Variants in LCP1 observed in about 807,000 individuals in gnomAD.
LCP1 encodes the protein lymphocyte cytosolic protein 1, also known as plastin-2.
Under a neutral mutation model 72.0 loss-of-function variants are expected in LCP1, and 23 were observed. The observed-to-expected ratio is 0.32, with a 90% CI of 0.23 to 0.45. The LOEUF (loss-of-function observed/expected upper bound fraction) is 0.45. Among genes scored for constraint, LCP1 ranks in the 20% least tolerant of loss-of-function variants. The probability of loss-of-function intolerance (pLI) is 1.00; values close to 1 mark genes in which losing one functional copy is unlikely to be tolerated. For missense variants in LCP1, 571 were observed against 748.3 expected (o/e 0.76, Z 2.76); for synonymous variants, 245 against 275.4 (o/e 0.89, Z 1.09).
intron 14 of LCP1, among the ~76,000 whole-genome samples, chr13:46,131,204 C>T (rs1037989431): frequency 5.3e-5 from 8 of 152,012 alleles, no homozygotes; most frequent in Admixed American, 2.0e-4. Flanking sequence ...TAGAGAAAGA[C>T]GTAAAGTTAA....
Position 46,133,897 on chromosome 13 carries a change from AT to A in LCP1, c.1626+229del, listed in dbSNP as rs35599991. On this transcript the variant is annotated intron_variant, in intron 14 of 15. Transcript: ENST00000323076. ...CCCTAAATCCAAAATAAAAGTTGAA[AT>A]TTTTTTTACTGATGGGTTTTTATGA... Among the ~76,000 whole-genome samples, 72 of 151,922 alleles carry A rather than the reference AT, an allele frequency of 4.7e-4. 1 individual carries two copies. The highest frequency in any genetic ancestry group is 3.9e-3 in the Admixed American group (60 of 15,248).
At chr13:46,129,722 T>A (rs1467135017) in intron 15 of LCP1, among the ~76,000 whole-genome samples, 2 of 152,064 alleles carry the variant, frequency 1.3e-5, no homozygotes, top group Non-Finnish European at 2.9e-5. Context: ...ACTAGATACT[T>A]GTATCTTCTA....
At chr13:46,163,138 A>C (rs1361091006) in intron 1 of LCP1, among the ~76,000 whole-genome samples, 1 of 152,194 alleles carries the variant, frequency 6.6e-6, no homozygotes, top group Non-Finnish European at 1.5e-5. Context: ...TGGGAGGTGT[A>C]CCCAACAGCT....
chr13:46,151,460 A>G (rs2045763879), intron 7 of LCP1, among the ~76,000 whole-genome samples: 1 of 152,232 alleles, frequency 6.6e-6, no homozygotes, highest in Non-Finnish European at 1.5e-5. Flanking sequence ...TCAATTTTGT[A>G]ATAATAACAA....
intron 13 of LCP1, among the ~76,000 whole-genome samples, chr13:46,135,186 CACTT>C (rs2138221967): frequency 6.6e-6 from 1 of 151,812 alleles, no homozygotes; most frequent in South Asian, 2.1e-4. Context: ...TAAAGCTACT[CACTT>C]CTGAAAGGGA....
At chr13:46,151,219 C>A in intron 7 of LCP1, 141 bp from the exon 8 acceptor site, 1 of 724,534 alleles carries the variant, frequency 1.4e-6, no homozygotes, top group South Asian at 2.2e-5. Flanking sequence ...GTAGCCTTTC[C>A]CATGGATTAA....
intron 1 of LCP1, among the ~76,000 whole-genome samples, chr13:46,176,873 A>G (rs946764365): frequency 1.6e-5 from 2 of 127,738 alleles, no homozygotes; most frequent in African/African-American, 3.1e-5. Context: ...ATGTGTGTTT[A>G]TTTGTGTGTG....
intron 1 of LCP1, among the ~76,000 whole-genome samples, chr13:46,171,077 GA>G (rs1276623045): frequency 6.6e-6 from 1 of 152,210 alleles, no homozygotes; most frequent in African/African-American, 2.4e-5. Context: ...AAGAACAAAT[GA>G]AAAGACCAGT....
intron 2 of LCP1, chr13:46,159,222 T>C (rs2045822822): frequency 3.7e-6 from 2 of 538,126 alleles, no homozygotes; most frequent in Non-Finnish European, 6.6e-6. Context: ...ATAAGGTACC[T>C]CTGTTTCCAC....
chr13:46,134,565 T>A (rs556768534), intron 13 of LCP1, among the ~76,000 whole-genome samples: 2 of 152,160 alleles, frequency 1.3e-5, no homozygotes, highest in South Asian at 4.1e-4. Flanking sequence ...GATTCCAACC[T>A]GTGGCAATTT....
intron 1 of LCP1, among the ~76,000 whole-genome samples, chr13:46,169,303 T>C (rs2045893131): frequency 6.6e-6 from 1 of 152,346 alleles, no homozygotes; most frequent in Middle Eastern, 3.4e-3. Context: ...AAGGGGAATT[T>C]TTCTAGGTAT....
At chr13:46,176,095 A>G (rs1249032700) in intron 1 of LCP1, among the ~76,000 whole-genome samples, 1 of 152,200 alleles carries the variant, frequency 6.6e-6, no homozygotes, top group Non-Finnish European at 1.5e-5. Context: ...ATTTGTTTAG[A>G]TACAAAATTA....
chr13:46,146,552 T>C (rs2045731979), intron 10 of LCP1, among the ~76,000 whole-genome samples: 1 of 152,184 alleles, frequency 6.6e-6, no homozygotes, highest in Non-Finnish European at 1.5e-5. Flanking sequence ...TGGAAATGGA[T>C]GGTGGCAATT....
Position 46,182,097 on chromosome 13 carries a change from T to C in LCP1, c.-25+14A>G, listed in dbSNP as rs1329496476. The stretch of plus-strand genomic sequence containing the variant: ...AGCGCTTAAAACCAACAAAAACACA[T>C]GAAGAACATTTACCTTGCAGGAAAA... On this transcript the variant is annotated intron_variant, in intron 1 of 15. Coordinates refer to ENST00000323076, the MANE Select transcript of LCP1 (RefSeq NM_002298.5). 6.6e-6 allele frequency: 1 copy of C among 152,156 alleles called. No individual in the cohort carries two copies. Among genetic ancestry groups the C allele is most frequent in the Non-Finnish European group, 1.5e-5 (1 of 68,044 alleles). The allele number at this position is 152,156 out of a possible 1,614,324, so 9.4% of individuals were successfully genotyped here.
At chr13:46,180,363 T>G (rs1258709654) in intron 1 of LCP1, among the ~76,000 whole-genome samples, 3 of 152,226 alleles carry the variant, frequency 2.0e-5, no homozygotes, top group Admixed American at 2.0e-4. Context: ...TAACAACAAG[T>G]AAATGAGACT....
chr13:46,162,307 G>GTCTCCC (rs2045844513), intron 1 of LCP1, among the ~76,000 whole-genome samples: 1 of 93,732 alleles, frequency 1.1e-5, no homozygotes, highest in Non-Finnish European at 2.0e-5. Flanking sequence ...TCAACCCACG[G>GTCTCCC]TCTCCCTCTC....
intron 14 of LCP1, 137 bp downstream of exon 14, chr13:46,133,990 C>T (rs1593942304): frequency 2.0e-5 from 13 of 661,524 alleles, no homozygotes; most frequent in Admixed American, 5.8e-5. Context: ...AAAACAATAA[C>T]GAGTCATTTA....
intron 1 of LCP1, among the ~76,000 whole-genome samples, chr13:46,175,139 C>G (rs967867576): frequency 1.3e-5 from 2 of 152,194 alleles, no homozygotes; most frequent in Admixed American, 6.5e-5. Flanking sequence ...TAATTAATAA[C>G]AACTTTACCT....
intron 14 of LCP1, among the ~76,000 whole-genome samples, chr13:46,133,005 T>C (rs192841010): frequency 1.3e-5 from 2 of 152,298 alleles, no homozygotes; most frequent in East Asian, 3.9e-4. Context: ...GGCATTATGA[T>C]GATGTGGATC....
Sources: allele counts gnomAD v4.1 joint callset (sites outside exome capture counted in the v4.1 genomes callset), GRCh38; gene constraint gnomAD v4.1.1; transcripts MANE v1.5; gene names NCBI Gene and HGNC (gene_info 2026-07-23, HGNC 2026-07-21).